BABAM2: variants seen among roughly 807,000 people sequenced by gnomAD.
BABAM2 encodes the protein BRISC and BRCA1 A complex member 2.
In BABAM2, 31 loss-of-function variants were observed where a neutral mutation model predicts 54.7. The ratio of observed to expected loss-of-function variants is 0.57; its 90% CI spans 0.43 to 0.77. BABAM2 has a LOEUF of 0.77. Among genes scored for constraint, BABAM2 ranks in the 30% least tolerant of loss-of-function variants. The pLI is 0.00. For synonymous variants in BABAM2, 167 were observed against 162.9 expected (o/e 1.03, Z -0.19); for missense variants, 364 against 455.8 (o/e 0.80, Z 1.83).
intron 4 of BABAM2, among the ~76,000 whole-genome samples, chr2:28,014,234 CA>C (rs1428657639): frequency 1.3e-5 from 2 of 151,680 alleles, no homozygotes; most frequent in Non-Finnish European, 2.9e-5. Flanking sequence ...TCAATTTTTC[CA>C]AAAAAAGATT....
At chr2:28,076,509 T>TTAC (rs1404090269) in intron 6 of BABAM2, among the ~76,000 whole-genome samples, 1 of 124,940 alleles carries the variant, frequency 8.0e-6, no homozygotes, top group Non-Finnish European at 1.8e-5. Context: ...TAGTTAGTTA[T>TTAC]TTTTGAGACA....
chr2:27,980,689 A>G (rs1325248346), intron 3 of BABAM2, among the ~76,000 whole-genome samples: 1 of 152,122 alleles, frequency 6.6e-6, no homozygotes, highest in Non-Finnish European at 1.5e-5. Context: ...TTTTTATTAC[A>G]TGTAATGTAG....
intron 7 of BABAM2, among the ~76,000 whole-genome samples, chr2:28,131,019 G>A (rs1426807467): frequency 6.6e-6 from 1 of 151,460 alleles, no homozygotes; most frequent in Non-Finnish European, 1.5e-5. Context: ...AGGATTACAG[G>A]CATGAGCCAC....
At chr2:27,970,795 CT>C (rs1181426758) in intron 3 of BABAM2, among the ~76,000 whole-genome samples, 1 of 151,882 alleles carries the variant, frequency 6.6e-6, no homozygotes, top group Non-Finnish European at 1.5e-5. Flanking sequence ...AAATTTTTTT[CT>C]TTAATCTAGA....
chr2:28,095,632 A>G (rs1666548998), intron 6 of BABAM2, among the ~76,000 whole-genome samples: 1 of 152,208 alleles, frequency 6.6e-6, no homozygotes, highest in African/African-American at 2.4e-5. Context: ...AGAGATATCT[A>G]TTTAGAGCTG....
At chr2:28,106,485 A>G (rs781570722) in intron 6 of BABAM2, among the ~76,000 whole-genome samples, 4 of 152,386 alleles carry the variant, frequency 2.6e-5, no homozygotes, top group Admixed American at 1.3e-4. Flanking sequence ...CTTGACATTT[A>G]CAACATTTTT....
At position 28,251,489 on chromosome 2, in the gene BABAM2, G is replaced by A. The variant is rs192132275; in HGVS notation, c.934+6627G>A. Among the ~76,000 whole-genome samples, 17 of 152,272 alleles carry A rather than the reference G, an allele frequency of 1.1e-4. No individual in the cohort carries two copies. In the East Asian group the frequency reaches 1.7e-3, roughly 16 times the overall value. On this transcript the variant is annotated intron_variant, in intron 10 of 11. Transcript: ENST00000379624. ...CAAGGAAATTATTTGCATTGATGTC[G>A]CACTGTCACCTCACCACTAAAACAC...
At chr2:28,083,731 G>A (rs546752713) in intron 6 of BABAM2, among the ~76,000 whole-genome samples, 6 of 152,174 alleles carry the variant, frequency 3.9e-5, no homozygotes, top group African/African-American at 1.2e-4. Flanking sequence ...GTCTGATTTG[G>A]CCTGTGGGTA....
intron 3 of BABAM2, among the ~76,000 whole-genome samples, chr2:27,967,175 C>T (rs571939285): frequency 7.3e-4 from 111 of 152,254 alleles, no homozygotes; most frequent in Non-Finnish European, 1.4e-3. Context: ...GAAGATGATA[C>T]GGTTTGGCTG....
intron 10 of BABAM2, among the ~76,000 whole-genome samples, chr2:28,279,039 T>C (rs568920213): frequency 3.9e-5 from 6 of 152,242 alleles, no homozygotes; most frequent in African/African-American, 1.4e-4. Context: ...AAATGGGCAA[T>C]AGCTAGTAGG....
chr2:28,139,077 A>G (rs562083031), intron 7 of BABAM2, among the ~76,000 whole-genome samples: 1 of 152,264 alleles, frequency 6.6e-6, no homozygotes, highest in Non-Finnish European at 1.5e-5. Flanking sequence ...TAGTGGGACC[A>G]GGGATAGGTA....
intron 7 of BABAM2, among the ~76,000 whole-genome samples, chr2:28,198,661 T>C (rs1349313881): frequency 4.6e-5 from 7 of 152,170 alleles, no homozygotes; most frequent in African/African-American, 1.7e-4. Flanking sequence ...CAGGGAAGCC[T>C]GAGCCTGGGC....
chr2:28,316,044 A>C (rs1558525284), intron 11 of BABAM2, among the ~76,000 whole-genome samples: 3 of 152,206 alleles, frequency 2.0e-5, no homozygotes, highest in Non-Finnish European at 4.4e-5. Context: ...CAGATTTAGC[A>C]ATTAAAAATG....
intron 11 of BABAM2, among the ~76,000 whole-genome samples, chr2:28,306,957 A>C (rs1372494262): frequency 4.1e-5 from 6 of 145,290 alleles, no homozygotes; most frequent in Non-Finnish European, 7.5e-5. Flanking sequence ...TGGCCCCCCA[A>C]AGTGCTGGGA....
At chr2:28,296,402 C>G (rs1433479045) in intron 10 of BABAM2, among the ~76,000 whole-genome samples, 2 of 152,172 alleles carry the variant, frequency 1.3e-5, no homozygotes, top group Admixed American at 6.5e-5. Context: ...AGTGGACATT[C>G]AAAATCGTGC....
At position 28,278,955 on chromosome 2, in the gene BABAM2, A is replaced by G. The variant is rs1185643455; in HGVS notation, c.935-19383A>G. 2.6e-5 allele frequency among the ~76,000 whole-genome samples: 4 copies of G among 152,228 alleles called. No individual in the cohort carries two copies. The East Asian group carries it at 5.8e-4, about 22-fold the overall frequency. ...TAGAGTAGGCGGAAGCCAGATGTGA[A>G]TGGGCCACAGAATTCATTCACAGTG... On this transcript the variant is annotated intron_variant, in intron 10 of 11. Coordinates refer to ENST00000379624, the MANE Select transcript of BABAM2 (RefSeq NM_199191.3).
chr2:28,268,445 A>G (rs1171121949), intron 10 of BABAM2, among the ~76,000 whole-genome samples: 1 of 152,210 alleles, frequency 6.6e-6, no homozygotes, highest in African/African-American at 2.4e-5. Context: ...GAGAGGGAGC[A>G]TAGATTCAGT....
intron 7 of BABAM2, among the ~76,000 whole-genome samples, chr2:28,212,680 C>T (rs1679574926): frequency 6.6e-6 from 1 of 152,094 alleles, no homozygotes; most frequent in Non-Finnish European, 1.5e-5. Context: ...ATCTCCTGCT[C>T]CCGACCCCCT....
In BABAM2 at chr2:27,925,534, T is replaced by TG. The variant is rs895590651; in HGVS notation, c.129-4292dup. 2.6e-5 allele frequency among the ~76,000 whole-genome samples: 4 copies of TG among 152,124 alleles called. 1 individual carries two copies. Among genetic ancestry groups the TG allele is most frequent in the Admixed American group, 2.0e-4 (3 of 15,274 alleles). On this transcript the variant is annotated intron_variant, in intron 2 of 11. Coordinates refer to ENST00000379624, the MANE Select transcript of BABAM2 (RefSeq NM_199191.3). ...ACCTGGTGAGACCAGTAAGCATCCCTGGGGGGTAAACACAAGACTCATCCA... is the reference window on the plus strand; with the variant it reads ...ACCTGGTGAGACCAGTAAGCATCCCTGGGGGGGTAAACACAAGACTCATCCA...
Sources: gnomAD v4.1 joint callset for allele counts (sites outside exome capture counted in the v4.1 genomes callset) on GRCh38, gnomAD v4.1.1 for gene constraint, MANE v1.5 for transcripts, NCBI Gene and HGNC (gene_info 2026-07-23, HGNC 2026-07-21) for gene names.